PRKCE: variants seen among roughly 807,000 people sequenced by gnomAD.
PRKCE encodes protein kinase C epsilon type.
PRKCE carries 16 observed loss-of-function variants against 85.4 expected under a neutral mutation model. The observed-to-expected ratio is 0.19, with a 90% CI of 0.13 to 0.28. The LOEUF is 0.28. Ranked by LOEUF, PRKCE falls within the 10% of genes least tolerant of loss-of-function variation. The probability of loss-of-function intolerance (pLI) is 1.00; values close to 1 mark genes in which losing one functional copy is unlikely to be tolerated. For synonymous variants in PRKCE, 388 were observed against 371.5 expected (o/e 1.04, Z -0.51); for missense variants, 573 against 975.2 (o/e 0.59, Z 5.49).
intron 2 of PRKCE, among the ~76,000 whole-genome samples, chr2:45,866,883 G>A (rs1013328127): frequency 2.0e-5 from 3 of 152,182 alleles, no homozygotes; most frequent in Non-Finnish European, 4.4e-5. Context: ...TTGGCTATGC[G>A]TTAATAATTG....
At chr2:45,966,380 G>A (rs1701733026) in intron 2 of PRKCE, among the ~76,000 whole-genome samples, 1 of 152,146 alleles carries the variant, frequency 6.6e-6, no homozygotes, top group Admixed American at 6.5e-5. Flanking sequence ...GCGGGATACT[G>A]TCGTGTGTGT....
intron 11 of PRKCE, among the ~76,000 whole-genome samples, chr2:46,143,035 G>A (rs1000318415): frequency 6.6e-6 from 1 of 152,134 alleles, no homozygotes; most frequent in Non-Finnish European, 1.5e-5. Context: ...CAGCACACAG[G>A]GATAAGCACA....
intron 11 of PRKCE, among the ~76,000 whole-genome samples, chr2:46,107,075 CA>C (rs1486865818): frequency 6.6e-6 from 1 of 152,186 alleles, no homozygotes; most frequent in Non-Finnish European, 1.5e-5. Flanking sequence ...AAATGCATAG[CA>C]TCATATATCA....
At chr2:46,071,638 C>T (rs1043503788) in intron 10 of PRKCE, among the ~76,000 whole-genome samples, 1 of 152,146 alleles carries the variant, frequency 6.6e-6, no homozygotes, top group African/African-American at 2.4e-5. Context: ...GAAGGAGTGC[C>T]CAAACAGGGA....
At chr2:45,955,925 C>T (rs964427257) in intron 2 of PRKCE, among the ~76,000 whole-genome samples, 1 of 152,206 alleles carries the variant, frequency 6.6e-6, no homozygotes. Context: ...AGTTCCATCA[C>T]CTCCCAAATT....
chr2:45,749,572 A>G (rs1683387436), intron 1 of PRKCE, among the ~76,000 whole-genome samples: 1 of 152,362 alleles, frequency 6.6e-6, no homozygotes, highest in Non-Finnish European at 1.5e-5. Context: ...TGAAATGACA[A>G]TCATACAATG....
At chr2:45,799,312 C>T (rs535490013) in intron 1 of PRKCE, among the ~76,000 whole-genome samples, 1 of 152,154 alleles carries the variant, frequency 6.6e-6, no homozygotes, top group South Asian at 2.1e-4. Context: ...TAAAGAATTA[C>T]ACAAGGAAAT....
At chr2:46,150,422 G>T (rs966388945) in intron 12 of PRKCE, among the ~76,000 whole-genome samples, 16 of 152,202 alleles carry the variant, frequency 1.1e-4, no homozygotes, top group African/African-American at 3.9e-4. Context: ...GATCTTATGG[G>T]AATCATGATG....
At chr2:46,158,490 T>G (rs1303052243) in intron 13 of PRKCE, among the ~76,000 whole-genome samples, 1 of 152,102 alleles carries the variant, frequency 6.6e-6, no homozygotes, top group Non-Finnish European at 1.5e-5. Context: ...TCACACCTAC[T>G]CTCCACCCCT....
In PRKCE at chr2:45,884,997, A is replaced by ATTTTTTTT. The variant is rs1360794938; in HGVS notation, c.412+41935_412+41936insTTTTTTTT. On this transcript the variant is annotated intron_variant, in intron 2 of 14. Transcript: ENST00000306156. ...TATATATATATATATATATATATAT[A>ATTTTTTTT]TATATTTGTTGTTGTTGTTGTTGTT... 7.3e-4 allele frequency among the ~76,000 whole-genome samples: 51 copies of ATTTTTTTT among 69,618 alleles called. 1 individual carries two copies. In the East Asian group the frequency reaches 8.9e-3, roughly 12 times the overall value. The allele number at this position is 69,618 out of a possible 152,430, so 45.7% of individuals were successfully genotyped here. A position where few individuals can be genotyped will look rare whatever the true frequency, so the allele number is the denominator to read the frequency against.
chr2:46,187,825 G>C lies in PRKCE; in HGVS notation c.*2944G>C, dbSNP rs1224865221. The C allele has an allele frequency of 2.8e-5, 4 of 142,654 alleles. No homozygotes were observed. Among genetic ancestry groups the C allele is most frequent in the Admixed American group, 7.1e-5 (1 of 14,048 alleles). 8.8% of individuals were successfully genotyped at this position (142,654 alleles called of 1,614,324 possible). A position where few individuals can be genotyped will look rare whatever the true frequency, so the allele number is the denominator to read the frequency against. On this transcript the variant is annotated 3_prime_UTR_variant, in exon 15 of 15. Coordinates refer to ENST00000306156, the MANE Select transcript of PRKCE (RefSeq NM_005400.3). ...TTAGGATTTTTTTTTTTTGTATTGT[G>C]ATGCTTTATTTGTACATTTTTTTCC...
intron 2 of PRKCE, among the ~76,000 whole-genome samples, chr2:45,961,425 C>T (rs1378723363): frequency 6.6e-6 from 1 of 152,134 alleles, no homozygotes; most frequent in South Asian, 2.1e-4. Context: ...ATTCATTTTC[C>T]GTGAGTCGGT....
intron 10 of PRKCE, among the ~76,000 whole-genome samples, chr2:46,061,466 C>T (rs543440813): frequency 2.6e-5 from 4 of 151,902 alleles, no homozygotes; most frequent in African/African-American, 9.7e-5. Flanking sequence ...TCGTTGTTTT[C>T]TCTGGGTGAG....
At chr2:45,937,256 G>A (rs1235768983) in intron 2 of PRKCE, among the ~76,000 whole-genome samples, 1 of 152,210 alleles carries the variant, frequency 6.6e-6, no homozygotes, top group Non-Finnish European at 1.5e-5. Flanking sequence ...AGCTGTTGGT[G>A]TCCCGGCCAT....
intron 1 of PRKCE, among the ~76,000 whole-genome samples, chr2:45,733,380 A>C (rs1681756515): frequency 6.6e-6 from 1 of 152,332 alleles, no homozygotes; most frequent in African/African-American, 2.4e-5. Flanking sequence ...GAGCACAGAA[A>C]ACAGATAAGG....
chr2:45,724,398 C>T (rs1329217512), intron 1 of PRKCE, among the ~76,000 whole-genome samples: 1 of 152,188 alleles, frequency 6.6e-6, no homozygotes, highest in Non-Finnish European at 1.5e-5. Flanking sequence ...CTCCTTCAGC[C>T]TCTCTAATTC....
intron 10 of PRKCE, among the ~76,000 whole-genome samples, chr2:46,074,520 A>G (rs949405209): frequency 2.0e-5 from 3 of 152,052 alleles, no homozygotes; most frequent in African/African-American, 7.2e-5. Context: ...GAAATGGTTC[A>G]AGGATTGACC....
chr2:45,804,462 G>T (rs1390735255), intron 1 of PRKCE, among the ~76,000 whole-genome samples: 1 of 152,178 alleles, frequency 6.6e-6, no homozygotes. Context: ...CTCCTGGCCT[G>T]GTTGAGCAAG....
In PRKCE at chr2:46,010,448, G is replaced by A. The variant is rs955793790; in HGVS notation, c.1368G>A (p.Glu456=). The change falls in exon 10 of 15, where the codon GAG becomes GAA. Residue 456 remains glutamate (E), a synonymous_variant. Transcript: ENST00000306156. ...QDDDVDCTMT[E]KRILALARKH... ...ATGACGTGGACTGCACAATGACAGA[G>A]AAGAGGATTTTGGCTCTGGCACGGA... 6.3e-7 allele frequency: 1 copy of A among 1,599,696 alleles called. No individual in the cohort carries two copies. The highest frequency in any genetic ancestry group is 1.3e-5 in the African/African-American group (1 of 75,042).
Sources: gnomAD v4.1 joint callset for allele counts (sites outside exome capture counted in the v4.1 genomes callset) on GRCh38, gnomAD v4.1.1 for gene constraint, MANE v1.5 for transcripts, NCBI Gene and HGNC (gene_info 2026-07-23, HGNC 2026-07-21) for gene names.